The following TMEM114 variants were observed in gnomAD, a reference collection of about 807,000 sequenced individuals.
TMEM114 encodes claudin-26.
TMEM114 carries 6 observed loss-of-function variants against 6.2 expected under a neutral mutation model. That is an observed-to-expected ratio of 0.97 (90% CI 0.53 to 1.91). The LOEUF is 1.91. Among genes scored for constraint, TMEM114 ranks in the 40% most tolerant of loss-of-function variants. The pLI, the probability that TMEM114 is intolerant of heterozygous loss-of-function variation, is 0.01. For missense variants in TMEM114, 218 were observed against 158.3 expected (o/e 1.38, Z -2.02); for synonymous variants, 104 against 73.0 (o/e 1.42, Z -2.16).
intron 2 of TMEM114, among the ~76,000 whole-genome samples, chr16:8,552,673 C>T (rs1900883981): frequency 6.6e-6 from 1 of 151,598 alleles, no homozygotes; most frequent in African/African-American, 2.4e-5. Context: ...TTTGCCACTG[C>T]CTGCGAGCCT....
chr16:8,572,683 G>A (rs534773654), intron 2 of TMEM114, among the ~76,000 whole-genome samples: 2 of 152,300 alleles, frequency 1.3e-5, no homozygotes, highest in African/African-American at 4.8e-5. Flanking sequence ...CGATCCTCCT[G>A]CCTTGGCCTC....
At chr16:8,583,279 C>G (rs1203207344) in intron 2 of TMEM114, among the ~76,000 whole-genome samples, 1 of 152,196 alleles carries the variant, frequency 6.6e-6, no homozygotes, top group Non-Finnish European at 1.5e-5. Context: ...ATGATTAGCT[C>G]TATTTCATAG....
At chr16:8,585,910 G>A (rs964577050) in intron 2 of TMEM114, among the ~76,000 whole-genome samples, 21 of 152,188 alleles carry the variant, frequency 1.4e-4, no homozygotes, top group African/African-American at 5.1e-4. Context: ...ATGGCCACAT[G>A]CCTACTTGGT....
chr16:8,544,554 G>A (rs1157106487), intron 2 of TMEM114, among the ~76,000 whole-genome samples: 8 of 152,162 alleles, frequency 5.3e-5, no homozygotes, highest in South Asian at 2.1e-4. Flanking sequence ...GTCGGTAGAC[G>A]ACCAACCTGT....
downstream of TMEM114, among the ~76,000 whole-genome samples, chr16:8,534,594 G>C (rs1900302751): frequency 1.3e-5 from 2 of 152,184 alleles, no homozygotes; most frequent in Non-Finnish European, 2.9e-5. Context: ...TGGTACATCA[G>C]ATGGGATAAC....
chr16:8,554,833 T>C (rs536549811), intron 2 of TMEM114, among the ~76,000 whole-genome samples: 115 of 152,296 alleles, frequency 7.6e-4, no homozygotes, highest in African/African-American at 2.7e-3. Context: ...CTGATGTTAG[T>C]GCTGTCTTAA....
intron 2 of TMEM114, among the ~76,000 whole-genome samples, chr16:8,581,831 G>T (rs1902161466): frequency 6.6e-6 from 1 of 152,188 alleles, no homozygotes; most frequent in African/African-American, 2.4e-5. Context: ...ACCTCAGAAA[G>T]GCAGCCTGAA....
downstream of TMEM114, among the ~76,000 whole-genome samples, chr16:8,535,099 C>G (rs1900318776): frequency 6.6e-6 from 1 of 152,156 alleles, no homozygotes; most frequent in Admixed American, 6.5e-5. Context: ...GTCTCACCAT[C>G]TGAGTGTCCT....
At chr16:8,543,787 A>G (rs574121703) in intron 2 of TMEM114, among the ~76,000 whole-genome samples, 1 of 152,158 alleles carries the variant, frequency 6.6e-6, no homozygotes, top group Non-Finnish European at 1.5e-5. Flanking sequence ...ATTCCACACA[A>G]TGTCTAGGAT....
rs115256435 is a variant in TMEM114, at chr16:8,557,664, C to T, written n.213-19838G>A. Among the ~76,000 whole-genome samples, 1,491 of 152,288 alleles carry T rather than the reference C, an allele frequency of 9.8e-3. 28 individuals carry two copies. Among genetic ancestry groups the T allele is most frequent in the African/African-American group, 0.032 (1,343 of 41,542 alleles). ...AGCAGCCTTGGTCCCTTTTCCAGAACCAACTTACCCAGGGCATGAACTCAG... is the reference window on the plus strand; with the variant it reads ...AGCAGCCTTGGTCCCTTTTCCAGAATCAACTTACCCAGGGCATGAACTCAG... On this transcript the variant is annotated intron_variant and non_coding_transcript_variant, in intron 2 of 2. Transcript: ENST00000623677.
chr16:8,576,210 C>G (rs770759844), intron 2 of TMEM114, among the ~76,000 whole-genome samples: 6 of 152,242 alleles, frequency 3.9e-5, no homozygotes, highest in Admixed American at 1.3e-4. Context: ...CTTTCTCAAT[C>G]ACAGCCAGTC....
At chr16:8,539,214 G>C (rs535686400) in intron 2 of TMEM114, among the ~76,000 whole-genome samples, 1 of 151,996 alleles carries the variant, frequency 6.6e-6, no homozygotes, top group Admixed American at 6.6e-5. Flanking sequence ...AGGATCCCTG[G>C]GCCAACTGCC....
Position 8,544,109 on chromosome 16 carries a change from T to C in TMEM114, n.213-6283A>G, listed in dbSNP as rs115815374. ...ATTTTCTTTTTCCTTCACTGTGATT[T>C]TGTTGCTGTTTTTGTTTTCTGTTTC... On this transcript the variant is annotated intron_variant and non_coding_transcript_variant, in intron 2 of 2. Transcript: ENST00000623677. Among the ~76,000 whole-genome samples, 546 of 152,366 alleles carry C rather than the reference T, an allele frequency of 3.6e-3. 3 individuals carry two copies. Among genetic ancestry groups the C allele is most frequent in the African/African-American group, 0.012 (515 of 41,590 alleles).
chr16:8,571,130 TA>T (rs33986524), intron 3 of TMEM114, among the ~76,000 whole-genome samples: 88,737 of 147,994 alleles, frequency 0.6, 26,796 homozygotes, highest in East Asian at 0.77. Context: ...TTTTTTTTTT[TA>T]AAAGGAACAT....
chr16:8,571,699 T>G (rs1010745450), intron 3 of TMEM114, among the ~76,000 whole-genome samples: 4 of 151,726 alleles, frequency 2.6e-5, no homozygotes, highest in African/African-American at 9.7e-5. Flanking sequence ...GTCATGCCCG[T>G]TTTTTAGTCG....
intron 2 of TMEM114, among the ~76,000 whole-genome samples, chr16:8,549,797 C>G (rs1029712907): frequency 2.0e-5 from 3 of 152,044 alleles, no homozygotes; most frequent in South Asian, 2.1e-4. Context: ...TCAGGGTTCT[C>G]TAGAGGGCAG....
At position 8,564,361 on chromosome 16, in the gene TMEM114, G is replaced by GTGAA. The variant is rs1392805247; in HGVS notation, n.212+24848_212+24851dup. Among the ~76,000 whole-genome samples the GTGAA allele has an allele frequency of 2.7e-5, 4 of 148,042 alleles. No individual in the cohort carries two copies. The East Asian group carries it at 7.9e-4, about 29-fold the overall frequency. On this transcript the variant is annotated intron_variant and non_coding_transcript_variant, in intron 2 of 2. Coordinates refer to the TMEM114 transcript ENST00000623677. Reference sequence around the variant, plus strand: ...AGTCAGTGAGAGAATGAGTCAGTGAGTGAATGAGTCAGTGAATGAGTGAGG... The same window carrying GTGAA: ...AGTCAGTGAGAGAATGAGTCAGTGAGTGAATGAATGAGTCAGTGAATGAGTGAGG...
downstream of TMEM114, among the ~76,000 whole-genome samples, chr16:8,564,786 T>C (rs145736448): frequency 0.038 from 5,603 of 147,384 alleles, 151 homozygotes; most frequent in South Asian, 0.1. Flanking sequence ...AGTGAGTGAG[T>C]GAATTAGTGA....
At chr16:8,551,900 T>C (rs1437433882) in intron 2 of TMEM114, among the ~76,000 whole-genome samples, 2 of 152,246 alleles carry the variant, frequency 1.3e-5, no homozygotes, top group Admixed American at 1.3e-4. Flanking sequence ...CATGGAATAC[T>C]ACTCAGCAAT....
Sources: allele counts gnomAD v4.1 joint callset (sites outside exome capture counted in the v4.1 genomes callset), GRCh38; gene constraint gnomAD v4.1.1; transcripts MANE v1.5; gene names NCBI Gene and HGNC (gene_info 2026-07-23, HGNC 2026-07-21).